Variants in PLG observed in about 807,000 individuals in gnomAD.
PLG encodes plasmin.
A neutral mutation model predicts 104.4 loss-of-function variants in PLG; 41 were observed. The observed-to-expected ratio is 0.39, with a 90% confidence interval of 0.31 to 0.51. The LOEUF is 0.51. Among genes scored for constraint, PLG ranks in the 20% least tolerant of loss-of-function variants. PLG has a pLI of 0.76. For synonymous variants in PLG, 337 were observed against 357.1 expected, an observed-to-expected ratio of 0.94 and a Z score of 0.63; for missense variants, 891 against 1,003.6, an observed-to-expected ratio of 0.89 and a Z score of 1.52.
At chr6:160,747,441 G>A (rs528654929) in intron 17 of PLG, among the ~76,000 whole-genome samples, 8 of 152,278 alleles carry the variant, frequency 5.3e-5, no homozygotes, top group African/African-American at 1.4e-4. Flanking sequence ...GAGGTGCTAG[G>A]AGGGCATTAG....
chr6:160,720,513 A>T (rs1214155482), intron 9 of PLG, among the ~76,000 whole-genome samples: 2 of 129,390 alleles, frequency 1.5e-5, no homozygotes, highest in Admixed American at 9.8e-5. Flanking sequence ...TCCACCTCCC[A>T]GGTTCAAGTG....
Position 160,739,229 on chromosome 6 carries a change from T to G in PLG, c.2018+21T>G, listed in dbSNP as rs572624713. On this transcript the variant is annotated intron_variant, in intron 16 of 18. Transcript: ENST00000308192. The surrounding 1 kb of genome is among the most constrained non-coding windows in gnomAD (Gnocchi z 4.4). ...AGCAGGTACTCGTTCACCTGTGGTC[T>G]TCACCCCACGCTGGTGAAGATATTT... 1.9e-5 allele frequency: 30 copies of G among 1,614,018 alleles called. No individual in the cohort carries two copies. The East Asian group carries it at 6.2e-4, about 34-fold the overall frequency.
rs747448179 is a variant in PLG at position 160,731,865 on chromosome 6, C to G, written c.1559C>G (p.Thr520Arg). The G allele has an allele frequency of 9.3e-6, 15 of 1,614,014 alleles. No homozygotes were observed. The East Asian group carries it at 3.3e-4, about 36-fold the overall frequency. The part of the protein sequence containing the change: ...PHRHSIFTPE[T>R]NPRAGLEKNY... Reference sequence around the variant, plus strand: ...AGACACAGCATTTTCACTCCAGAGACAAATCCACGGGCGGGTCTGGAAAAA... The same window carrying G: ...AGACACAGCATTTTCACTCCAGAGAGAAATCCACGGGCGGGTCTGGAAAAA... Residue 520 changes from threonine to arginine, a missense_variant, in exon 12 of 19, where the codon ACA (threonine) becomes AGA (arginine). Physicochemically the swap from Thr to Arg is moderately conservative, Grantham distance 71. Around this residue, in one of 2 missense-constraint regions of PLG, gnomAD observed 854 missense variants for 932.1 expected, o/e 0.92. Transcript: ENST00000308192. This position sits in a 1 kb window ranked among gnomAD's most constrained non-coding sequence, Gnocchi z 5.1.
At chr6:160,747,721 A>C (rs1778302088) in intron 17 of PLG, among the ~76,000 whole-genome samples, 1 of 152,138 alleles carries the variant, frequency 6.6e-6, no homozygotes, top group South Asian at 2.1e-4. Flanking sequence ...TACTATTTAA[A>C]AACTTTACCT....
chr6:160,735,296 G>T lies in PLG; in HGVS notation c.1681+1208G>T, dbSNP rs149371473. 4.6e-5 allele frequency among the ~76,000 whole-genome samples: 7 copies of T among 152,224 alleles called. No homozygotes were observed. The highest frequency in any genetic ancestry group is 1.3e-4 in the Admixed American group (2 of 15,290). ...TCTATCCTTGACAGGCTGCCTTGAA[G>T]TTGAGCCCAGACTGATTTTCTTGCC... On this transcript the variant is annotated intron_variant, in intron 13 of 18. Transcript: ENST00000308192. The surrounding 1 kb of genome is among the most constrained non-coding windows in gnomAD (Gnocchi z 5.4).
rs1011013510 is a variant in PLG at position 160,711,651 on chromosome 6, T to C, written c.407+460T>C. Reference sequence around the variant, plus strand: ...ACCATAGTAGAACATGGTTGCTTTCTATTTTTTCTTGGATATGGAGGTTTC... The same window carrying C: ...ACCATAGTAGAACATGGTTGCTTTCCATTTTTTCTTGGATATGGAGGTTTC... On this transcript the variant is annotated intron_variant, in intron 4 of 18. Transcript: ENST00000308192. 59 of 1,610,704 alleles carry C rather than the reference T, an allele frequency of 3.7e-5. 1 individual carries two copies. In the South Asian group the frequency reaches 5.3e-4, roughly 14 times the overall value.
Position 160,713,305 on chromosome 6 carries a change from T to C in PLG, c.547+180T>C, listed in dbSNP as rs1217081106. The C allele has an allele frequency of 1.5e-5, 9 of 603,330 alleles. 1 individual carries two copies. In the East Asian group the frequency reaches 2.7e-4, roughly 18 times the overall value. 37.4% of individuals were successfully genotyped at this position (603,330 alleles called of 1,614,324 possible). A position where few individuals can be genotyped will look rare whatever the true frequency, so the allele number is the denominator to read the frequency against. On this transcript the variant is annotated intron_variant, in intron 5 of 18. Transcript: ENST00000308192. Reference sequence around the variant, plus strand: ...TTTTTTCTGAGACAGAGTTTTGCTCTCGTTGCCCAGGCTAGAGTGCAACCG... The same window carrying C: ...TTTTTTCTGAGACAGAGTTTTGCTCCCGTTGCCCAGGCTAGAGTGCAACCG...
chr6:160,707,261 C>G (rs148432914), intron 2 of PLG, among the ~76,000 whole-genome samples: 1 of 151,720 alleles, frequency 6.6e-6, no homozygotes, highest in African/African-American at 2.4e-5. Context: ...AGCAGGACCA[C>G]GGGATGGAGA....
At chr6:160,747,179 C>T (rs1778290902) in intron 17 of PLG, among the ~76,000 whole-genome samples, 1 of 152,172 alleles carries the variant, frequency 6.6e-6, no homozygotes, top group Non-Finnish European at 1.5e-5. Flanking sequence ...AAACAGGGGA[C>T]CTACAACTGG....
At chr6:160,748,358 A>AAGAGAGAAAGAAAGAGAGAGAGAG (rs1778317413) in intron 17 of PLG, among the ~76,000 whole-genome samples, 1 of 35,174 alleles carries the variant, frequency 2.8e-5, no homozygotes, top group South Asian at 1.6e-3. Context: ...AAGAGAAAGA[A>AAGAGAGAAAGAAAGAGAGAGAGAG]AGAAAGAAAG....
At chr6:160,751,279 G>A (rs571099455) in intron 17 of PLG, among the ~76,000 whole-genome samples, 90 of 152,274 alleles carry the variant, frequency 5.9e-4, no homozygotes, top group Non-Finnish European at 1.1e-3. Context: ...GGGCCAACAC[G>A]CATGGGGAGG....
In PLG at chr6:160,741,522, G is replaced by A. The variant is rs188764308; in HGVS notation, c.2125+105G>A. 9.9e-4 allele frequency: 787 copies of A among 798,738 alleles called. 5 individuals are homozygous for A. In the African/African-American group the frequency reaches 0.011, roughly 11 times the overall value. 49.5% of individuals were successfully genotyped at this position (798,738 alleles called of 1,614,324 possible). ...GCTGTGCAAATTCCTATCCATGAAT[G>A]TGGTCCACCCCACTCCTGATTTTGC... On this transcript the variant is annotated intron_variant, in intron 17 of 18. Coordinates refer to ENST00000308192, the MANE Select transcript of PLG (RefSeq NM_000301.5). This position sits in a 1 kb window ranked among gnomAD's most constrained non-coding sequence, Gnocchi z 4.7.
intron 10 of PLG, among the ~76,000 whole-genome samples, chr6:160,729,510 A>G (rs1351235241): frequency 6.6e-6 from 1 of 152,230 alleles, no homozygotes; most frequent in East Asian, 1.9e-4. Flanking sequence ...TGAATCGATA[A>G]TTTGTGATCT....
Position 160,738,396 on chromosome 6 carries a change from T to C in PLG, c.1803-142T>C. On this transcript the variant is annotated intron_variant, in intron 14 of 18. Transcript: ENST00000308192. This position sits in a 1 kb window ranked among gnomAD's most constrained non-coding sequence, Gnocchi z 6.8. The stretch of plus-strand genomic sequence containing the variant: ...GGAGCACTGGCCAAAATTACTACCA[T>C]CCTGATGCTGGGCTTGCAGTCCTTT... 1 of 701,172 alleles carries C rather than the reference T, an allele frequency of 1.4e-6. No homozygotes were observed. Among genetic ancestry groups the C allele is most frequent in the Non-Finnish European group, 2.6e-6 (1 of 380,838 alleles). The allele number at this position is 701,172 out of a possible 1,614,324, so 43.4% of individuals were successfully genotyped here. A position where few individuals can be genotyped will look rare whatever the true frequency, so the allele number is the denominator to read the frequency against.
chr6:160,711,156 T>A lies in PLG; in HGVS notation c.372T>A (p.Cys124Ter). Residue 124 changes from cysteine (C) to a stop codon, truncating the protein, a stop_gained, in exon 4 of 19, where the codon TGT (cysteine) becomes TGA (stop). Transcript: ENST00000308192. LOFTEE classifies it high-confidence loss of function. ...CCAAAACAAAAAATGGCATCACCTG[T>A]CAAAAATGGAGTTCCACTTCTCCCC... Reference protein sequence around the residue: ...TMSKTKNGITCQKWSSTSPHR... With the variant: ...TMSKTKNGIT 6.2e-7 allele frequency: 1 copy of A among 1,612,746 alleles called. No individual in the cohort carries two copies. The highest frequency in any genetic ancestry group is 8.5e-7 in the Non-Finnish European group (1 of 1,178,788).
intron 9 of PLG, among the ~76,000 whole-genome samples, chr6:160,722,037 T>C (rs1279145119): frequency 6.6e-6 from 1 of 152,180 alleles, no homozygotes; most frequent in Non-Finnish European, 1.5e-5. Flanking sequence ...AAAGCTTTCA[T>C]GTCTGCCCCC....
chr6:160,726,502 C>A lies in PLG; in HGVS notation c.1256+3935C>A, dbSNP rs1337916966. On this transcript the variant is annotated intron_variant, in intron 10 of 18. Transcript: ENST00000308192. The surrounding 1 kb of genome is among the most constrained non-coding windows in gnomAD (Gnocchi z 4.4). ...TGTAAAAATCAATGACTTAAGATGG[C>A]ATTTCTCAAAGTATGCTCTGGAGAA... 2.6e-5 allele frequency among the ~76,000 whole-genome samples: 4 copies of A among 151,846 alleles called. No homozygotes were observed. The highest frequency in any genetic ancestry group is 9.7e-5 in the African/African-American group (4 of 41,384).
At position 160,707,799 on chromosome 6, in the gene PLG, A is replaced by T; in HGVS notation, c.285A>T (p.Glu95Asp). The change falls in exon 3 of 19, where the codon GAA becomes GAT. Residue 95 changes from glutamate to aspartate, a missense_variant. Glu to Asp is a conservative substitution (Grantham distance 45, BLOSUM62 2). Around this residue, in one of 2 missense-constraint regions of PLG, gnomAD observed 854 missense variants for 932.1 expected, o/e 0.92. Transcript: ENST00000308192. The stretch of plus-strand genomic sequence containing the variant: ...GGATGAGAGATGTAGTTTTATTTGA[A>T]AAGAAAGGTGAGTACATTTTCTTCC... ...IIRMRDVVLF[E>D]KKVYLSECKT... 6.2e-7 allele frequency: 1 copy of T among 1,610,460 alleles called. No individual in the cohort carries two copies. Among genetic ancestry groups the T allele is most frequent in the Non-Finnish European group, 8.5e-7 (1 of 1,178,528 alleles).
chr6:160,753,436 G>A lies in PLG; in HGVS notation c.*375G>A, dbSNP rs1309756701. ...GCAGGCTGCAAGGTCACAGAGGGGA[G>A]AGCCAAGAAGTTGTCCACGCATTTA... On this transcript the variant is annotated 3_prime_UTR_variant, in exon 19 of 19. Transcript: ENST00000308192. The surrounding 1 kb of genome is among the most constrained non-coding windows in gnomAD (Gnocchi z 5.4). 8.5e-6 allele frequency: 3 copies of A among 351,138 alleles called. No homozygotes were observed. Among genetic ancestry groups the A allele is most frequent in the Non-Finnish European group, 1.6e-5 (3 of 182,712 alleles). 21.8% of individuals were successfully genotyped at this position (351,138 alleles called of 1,614,324 possible).
Sources: allele counts gnomAD v4.1 joint callset (sites outside exome capture counted in the v4.1 genomes callset), GRCh38; gene constraint gnomAD v4.1.1; regional missense constraint gnomAD v4.1.1; non-coding constraint Gnocchi (gnomAD v3.1); transcripts MANE v1.5; gene names NCBI Gene and HGNC (gene_info 2026-07-23, HGNC 2026-07-21).